The following LMNA variants were observed in gnomAD, a reference collection of about 807,000 sequenced individuals.
The protein encoded by LMNA is lamin A/C.
Under a neutral mutation model 70.4 loss-of-function variants are expected in LMNA, and 20 were observed. The observed-to-expected ratio is 0.28, with a 90% CI of 0.20 to 0.41. The LOEUF is 0.41. Ranked by LOEUF, LMNA falls within the 10% of genes least tolerant of loss-of-function variation. LMNA has a pLI of 1.00. For synonymous variants in LMNA, 339 were observed against 372.8 expected, an observed-to-expected ratio of 0.91 and a Z score of 1.04; for missense variants, 652 against 917.2, an observed-to-expected ratio of 0.71 and a Z score of 3.73.
intron 2 of LMNA, among the ~76,000 whole-genome samples, chr1:156,086,726 G>A (rs1415952023): frequency 1.3e-5 from 2 of 152,166 alleles, no homozygotes; most frequent in Admixed American, 6.5e-5. Context: ...TGCAACCTCC[G>A]CCTCCTGGGT....
In LMNA at chr1:156,138,498, G is replaced by A; in HGVS notation, c.1709G>A (p.Cys570Tyr). 3 of 1,612,328 alleles carry A rather than the reference G, an allele frequency of 1.9e-6. No homozygotes were observed. Among genetic ancestry groups the A allele is most frequent in the Non-Finnish European group, 2.5e-6 (3 of 1,179,760 alleles). The part of the protein sequence containing the change: ...DLLHHHHGSH[C>Y]SSSGDPAEYN... ...TGTCTCCCTTCCCAGGGCTCCCACTGCAGCAGCTCGGGGGACCCCGCTGAG... is the reference window on the plus strand; with the variant it reads ...TGTCTCCCTTCCCAGGGCTCCCACTACAGCAGCTCGGGGGACCCCGCTGAG... The change falls in exon 11 of 12, where the codon TGC becomes TAC. Residue 570 changes from cysteine (C) to tyrosine (Y), a missense_variant. This residue lies in a region of LMNA where 327 missense variants were observed against 387.6 expected (regional missense o/e 0.84). Transcript: ENST00000368300. This position sits in a 1 kb window ranked among gnomAD's most constrained non-coding sequence, Gnocchi z 5.5.
Position 156,137,362 on chromosome 1 carries a change from G to A in LMNA, c.1608+130G>A. On this transcript the variant is annotated intron_variant, in intron 9 of 11. Transcript: ENST00000368300. This position sits in a 1 kb window ranked among gnomAD's most constrained non-coding sequence, Gnocchi z 4.6. ...CTAGAGCTCTCTGTTGCAGGCTCCAGACTTCTCCACCCAGTAGGCAAACCA... is the reference window on the plus strand; with the variant it reads ...CTAGAGCTCTCTGTTGCAGGCTCCAAACTTCTCCACCCAGTAGGCAAACCA... The A allele has an allele frequency of 8.0e-7, 1 of 1,251,342 alleles. No homozygotes were observed. Among genetic ancestry groups the A allele is most frequent in the Non-Finnish European group, 1.1e-6 (1 of 890,774 alleles). 77.5% of individuals were successfully genotyped at this position (1,251,342 alleles called of 1,614,324 possible).
chr1:156,130,568 A>G, intron 1 of LMNA, 49 bp from the exon 2 acceptor site: 2 of 1,602,560 alleles, frequency 1.2e-6, no homozygotes, highest in Non-Finnish European at 1.7e-6. Flanking sequence ...GGCACTGTCT[A>G]GGCACACAGA....
chr1:156,123,566 C>T (rs1025910138), intron 1 of LMNA, among the ~76,000 whole-genome samples: 2 of 152,190 alleles, frequency 1.3e-5, no homozygotes, highest in Non-Finnish European at 2.9e-5. Context: ...GCCTCCCTCC[C>T]GCCCCCTTCA....
Position 156,135,886 on chromosome 1 carries a change from C to T in LMNA, c.937-15C>T, listed in dbSNP as rs1412388757. On this transcript the variant is annotated splice_polypyrimidine_tract_variant and intron_variant, in intron 5 of 11. Coordinates refer to ENST00000368300, the MANE Select transcript of LMNA (RefSeq NM_170707.4). The surrounding 1 kb of genome is among the most constrained non-coding windows in gnomAD (Gnocchi z 4.8). ...GGCCCTTGGGAGCTCACCAAACCCT[C>T]CCACCCCCCTTCAGCTGGCAGCCAA... 4 of 1,611,124 alleles carry T rather than the reference C, an allele frequency of 2.5e-6. No individual in the cohort carries two copies. In the Admixed American group the frequency reaches 5.0e-5, roughly 20 times the overall value.
At position 156,139,225 on chromosome 1, in the gene LMNA, T is replaced by TAAAG. The variant is rs1257990064; in HGVS notation, c.*119_*120insAAAG. The TAAAG allele has an allele frequency of 1.3e-6, 2 of 1,528,436 alleles. No individual in the cohort carries two copies. The highest frequency in any genetic ancestry group is 2.8e-5 in the African/African-American group (2 of 71,358). The allele number at this position is 1,528,436 out of a possible 1,614,324, so 94.7% of individuals were successfully genotyped here. ...TTGAAGCCAAAGAAAAATAACCCTT[T>TAAAG]GGTTTTTTTCTTCTGTATTTTTTTT... On this transcript the variant is annotated 3_prime_UTR_variant, in exon 12 of 12. Coordinates refer to ENST00000368300, the MANE Select transcript of LMNA (RefSeq NM_170707.4).
At position 156,135,515 on chromosome 1, in the gene LMNA, C is replaced by T; in HGVS notation, c.936+203C>T. On this transcript the variant is annotated intron_variant, in intron 5 of 11. Coordinates refer to ENST00000368300, the MANE Select transcript of LMNA (RefSeq NM_170707.4). The surrounding 1 kb of genome is among the most constrained non-coding windows in gnomAD (Gnocchi z 4.8). ...CTGTTTCTGTACACTCTTACCTCAC[C>T]TTCACTTCTCAGGGCTTTGGTTTTC... 1.5e-6 allele frequency: 1 copy of T among 678,058 alleles called. No homozygotes were observed. The allele number at this position is 678,058 out of a possible 1,614,324, so 42.0% of individuals were successfully genotyped here. A position where few individuals can be genotyped will look rare whatever the true frequency, so the allele number is the denominator to read the frequency against.
intron 3 of LMNA, among the ~76,000 whole-genome samples, chr1:156,099,266 GCT>G (rs1649053266): frequency 6.6e-6 from 1 of 152,048 alleles, no homozygotes; most frequent in South Asian, 2.1e-4. Flanking sequence ...ACCTTCACTG[GCT>G]CTCTGACTTT....
chr1:156,123,716 G>A (rs1367045345), intron 1 of LMNA, among the ~76,000 whole-genome samples: 2 of 152,306 alleles, frequency 1.3e-5, no homozygotes, highest in Admixed American at 1.3e-4. Context: ...GAAGGAAAGT[G>A]GCACTTGGCA....
intron 2 of LMNA, among the ~76,000 whole-genome samples, chr1:156,085,022 C>T (rs1287767661): frequency 2.0e-5 from 3 of 152,218 alleles, no homozygotes; most frequent in Non-Finnish European, 2.9e-5. Context: ...GGACCCACTT[C>T]GTCCCTGACC....
At chr1:156,127,080 C>T (rs1650652833) in intron 1 of LMNA, 1 of 677,040 alleles carries the variant, frequency 1.5e-6, no homozygotes, top group Admixed American at 3.0e-5. Flanking sequence ...GCTCAGCTTT[C>T]CTGATGCCAA....
intron 3 of LMNA, among the ~76,000 whole-genome samples, chr1:156,091,814 G>C (rs1648713386): frequency 6.6e-6 from 1 of 152,078 alleles, no homozygotes; most frequent in African/African-American, 2.4e-5. Context: ...TGCAAAGAAA[G>C]ATAAGCCAGG....
rs1422544256 is a variant in LMNA, at chr1:156,139,088, G to C, written c.1977G>C (p.Gln659His). ...TCTGTTTTCTCTCTTAGAGCCCCCA[G>C]AACTGCAGCATCATGTAATCTGGGA... ...GNSSPRTQSP[Q>H]NCSIM is the part of the protein sequence containing the mutation. Residue 659 changes from glutamine (Q) to histidine (H), a missense_variant, in exon 12 of 12, where the codon CAG becomes CAC. Around this residue, in one of 4 missense-constraint regions of LMNA, gnomAD observed 327 missense variants for 387.6 expected, o/e 0.84. Transcript: ENST00000368300. 6.2e-7 allele frequency: 1 copy of C among 1,613,934 alleles called. No homozygotes were observed. The highest frequency in any genetic ancestry group is 1.1e-5 in the South Asian group (1 of 91,066).
At chr1:156,101,199 C>T (rs1649128357) in intron 3 of LMNA, among the ~76,000 whole-genome samples, 2 of 152,056 alleles carry the variant, frequency 1.3e-5, no homozygotes, top group Non-Finnish European at 2.9e-5. Flanking sequence ...TTGAAAAGAT[C>T]GCTGTGGGCT....
rs1649211086 is a variant in LMNA, at chr1:156,103,489, G to A, written c.-206-11224G>A. On this transcript the variant is annotated intron_variant, in intron 3 of 12. Transcript: ENST00000368301. The surrounding 1 kb of genome is among the most constrained non-coding windows in gnomAD (Gnocchi z 4.7). ...TTTTGCATACAGTAGCTGAGGCTCA[G>A]CCAGGAAAATGGGTGGGAACCTTAA... 1.3e-5 allele frequency among the ~76,000 whole-genome samples: 2 copies of A among 152,122 alleles called. No homozygotes were observed. The highest frequency in any genetic ancestry group is 4.1e-4 in the South Asian group (2 of 4,832).
intron 1 of LMNA, among the ~76,000 whole-genome samples, chr1:156,128,134 C>T (rs1471737687): frequency 1.3e-5 from 2 of 152,132 alleles, no homozygotes; most frequent in Non-Finnish European, 2.9e-5. Context: ...TAGCACCTAT[C>T]GCATAGGGTA....
chr1:156,136,214 G>A lies in LMNA; in HGVS notation c.1158G>A (p.Arg386=), dbSNP rs879253933. 2 of 1,612,614 alleles carry A rather than the reference G, an allele frequency of 1.2e-6. No homozygotes were observed. The highest frequency in any genetic ancestry group is 1.3e-5 in the African/African-American group (1 of 75,050). ...CCCCACTTGGTCTCCCTCTCCCCAG[G>A]CTACGCCTGTCCCCCAGCCCTACCT... is the stretch of plus-strand genomic sequence containing the variant. ...YRKLLEGEEE[R]LRLSPSPTSQ... is the part of the protein sequence containing the mutation. Residue 386 remains arginine (R), a splice_region_variant and synonymous_variant, in exon 7 of 12, where the codon AGG becomes AGA. Coordinates refer to ENST00000368300, the MANE Select transcript of LMNA (RefSeq NM_170707.4). This position sits in a 1 kb window ranked among gnomAD's most constrained non-coding sequence, Gnocchi z 6.1.
upstream of LMNA, among the ~76,000 whole-genome samples, chr1:156,110,903 A>G (rs1317437634): frequency 6.6e-6 from 1 of 151,932 alleles, no homozygotes; most frequent in East Asian, 1.9e-4. Flanking sequence ...TTGAACATGG[A>G]AGGCAGAGGT....
Position 156,136,550 on chromosome 1 carries a change from G to A in LMNA, c.1380+114G>A. 2 of 1,133,830 alleles carry A rather than the reference G, an allele frequency of 1.8e-6. No individual in the cohort carries two copies. The highest frequency in any genetic ancestry group is 1.5e-5 in the African/African-American group (1 of 64,672). 70.2% of individuals were successfully genotyped at this position (1,133,830 alleles called of 1,614,324 possible). A position where few individuals can be genotyped will look rare whatever the true frequency, so the allele number is the denominator to read the frequency against. On this transcript the variant is annotated intron_variant, in intron 7 of 11. Transcript: ENST00000368300. This position sits in a 1 kb window ranked among gnomAD's most constrained non-coding sequence, Gnocchi z 6.1. ...CCTTGCCCTCAGAGGGTGGACCAGG[G>A]TGAGCCTGTATATCTCCTCCACACT...
Sources: allele counts gnomAD v4.1 joint callset (sites outside exome capture counted in the v4.1 genomes callset), GRCh38; gene constraint gnomAD v4.1.1; regional missense constraint gnomAD v4.1.1; non-coding constraint Gnocchi (gnomAD v3.1); transcripts MANE v1.5; gene names NCBI Gene and HGNC (gene_info 2026-07-23, HGNC 2026-07-21).